Variants in DHRSX observed in about 807,000 individuals in gnomAD.
DHRSX encodes dehydrogenase/reductase X-linked, also known as polyprenol dehydrogenase.
Under a neutral mutation model 34.0 loss-of-function variants are expected in DHRSX, and 31 were observed. The observed-to-expected ratio is 0.91, with a 90% CI of 0.69 to 1.23. The LOEUF is 1.23. Among genes scored for constraint, DHRSX ranks in the 50% most tolerant of loss-of-function variants. DHRSX has a pLI of 0.00. For synonymous variants in DHRSX, 201 were observed against 183.8 expected, an observed-to-expected ratio of 1.09 and a Z score of -0.76; for missense variants, 414 against 428.1, an observed-to-expected ratio of 0.97 and a Z score of 0.29.
At chrX:2,435,231 A>C (rs1156967586) in intron 1 of DHRSX, among the ~76,000 whole-genome samples, 1 of 152,186 alleles carries the variant, frequency 6.6e-6, no homozygotes, top group Non-Finnish European at 1.5e-5. Context: ...TGGCTTCACA[A>C]ACCTGCACGC....
At chrX:2,389,560 T>C (rs1291415911) in intron 3 of DHRSX, among the ~76,000 whole-genome samples, 1 of 152,138 alleles carries the variant, frequency 6.6e-6, no homozygotes, top group East Asian at 1.9e-4. Context: ...TCACAGTCTT[T>C]CTTGACCTAA....
At chrX:2,484,726 G>A (rs1315571236) in intron 1 of DHRSX, among the ~76,000 whole-genome samples, 2 of 151,996 alleles carry the variant, frequency 1.3e-5, no homozygotes, top group Admixed American at 6.6e-5. Flanking sequence ...AGGACGGGGC[G>A]GCGGGCCTGA....
At chrX:2,356,549 C>G (rs1367533749) in intron 3 of DHRSX, among the ~76,000 whole-genome samples, 2 of 152,144 alleles carry the variant, frequency 1.3e-5, no homozygotes, top group African/African-American at 4.8e-5. Flanking sequence ...TCTCTGAAGA[C>G]AAGAACTGGG....
At chrX:2,355,248 G>A (rs767966040) in intron 3 of DHRSX, among the ~76,000 whole-genome samples, 3 of 152,156 alleles carry the variant, frequency 2.0e-5, no homozygotes, top group African/African-American at 7.2e-5. Context: ...ACAATGGCTC[G>A]CACCTGGAAT....
At chrX:2,254,577 C>G (rs986862881) in intron 5 of DHRSX, among the ~76,000 whole-genome samples, 1 of 152,158 alleles carries the variant, frequency 6.6e-6, no homozygotes, top group African/African-American at 2.4e-5. Flanking sequence ...CTATCATCTA[C>G]ATTTAATATT....
chrX:2,265,734 G>C (rs746938742), intron 5 of DHRSX, among the ~76,000 whole-genome samples: 1 of 143,640 alleles, frequency 7.0e-6, no homozygotes, highest in East Asian at 2.2e-4. Context: ...CAGATGCAGG[G>C]AGCATTGTCC....
chrX:2,491,362 G>A (rs1441941994), intron 1 of DHRSX, among the ~76,000 whole-genome samples: 3 of 152,292 alleles, frequency 2.0e-5, no homozygotes, highest in South Asian at 2.1e-4. Flanking sequence ...GAGTCACCGC[G>A]CCCAGCCTGA....
At chrX:2,370,049 C>T (rs1279064026) in intron 3 of DHRSX, among the ~76,000 whole-genome samples, 1 of 152,156 alleles carries the variant, frequency 6.6e-6, no homozygotes, top group Non-Finnish European at 1.5e-5. Flanking sequence ...CTGCTCCTCA[C>T]TCTCCAAAGA....
At chrX:2,260,522 C>T (rs1462002378) in intron 5 of DHRSX, among the ~76,000 whole-genome samples, 2 of 151,720 alleles carry the variant, frequency 1.3e-5, no homozygotes, top group East Asian at 1.9e-4. Context: ...TGCAATGGCA[C>T]GATCTCAGCT....
chrX:2,344,016 C>T (rs1362394693), intron 3 of DHRSX, among the ~76,000 whole-genome samples: 4 of 152,048 alleles, frequency 2.6e-5, no homozygotes, highest in Admixed American at 2.0e-4. Context: ...TTGAAAACTC[C>T]GTGCATCTTG....
chrX:2,330,571 A>AGGGGAG lies in DHRSX; in HGVS notation c.287-38974_287-38969dup, dbSNP rs2124547392. Among the ~76,000 whole-genome samples the AGGGGAG allele has an allele frequency of 3.9e-5, 4 of 103,692 alleles. No individual in the cohort carries two copies. The East Asian group carries it at 1.3e-3, about 33-fold the overall frequency. 68.0% of individuals were successfully genotyped at this position (103,692 alleles called of 152,430 possible). A position where few individuals can be genotyped will look rare whatever the true frequency, so the allele number is the denominator to read the frequency against. ...AAGGGAAGGGAGGGGAGGGGAGGGA[A>AGGGGAG]GGGGAGGGGAAGAGAGGGGAAGGGA... is the stretch of plus-strand genomic sequence containing the variant. On this transcript the variant is annotated intron_variant, in intron 3 of 6. Coordinates refer to ENST00000334651, the MANE Select transcript of DHRSX (RefSeq NM_145177.3).
intron 1 of DHRSX, among the ~76,000 whole-genome samples, chrX:2,448,372 C>G (rs28547512): frequency 0.63 from 95,380 of 151,700 alleles, 31,581 homozygotes; most frequent in African/African-American, 0.85. Flanking sequence ...TTTTCAGTTA[C>G]ATAAAAGAAA....
chrX:2,238,730 C>T (rs1385728799), intron 6 of DHRSX, among the ~76,000 whole-genome samples: 2 of 151,300 alleles, frequency 1.3e-5, no homozygotes, highest in Admixed American at 6.6e-5. Flanking sequence ...ATGACACACA[C>T]GCGCCACCAC....
At chrX:2,345,746 A>G (rs751472981) in intron 3 of DHRSX, among the ~76,000 whole-genome samples, 46 of 152,060 alleles carry the variant, frequency 3.0e-4, no homozygotes, top group African/African-American at 1.1e-3. Context: ...AATCAGTTGA[A>G]GGTCTGACTA....
At chrX:2,406,099 C>G (rs887219980) in intron 3 of DHRSX, among the ~76,000 whole-genome samples, 9 of 152,114 alleles carry the variant, frequency 5.9e-5, no homozygotes, top group Non-Finnish European at 1.3e-4. Flanking sequence ...CGAGACCAGC[C>G]TGGCCAACAT....
At chrX:2,325,636 C>T (rs1331590284) in intron 3 of DHRSX, among the ~76,000 whole-genome samples, 1 of 149,920 alleles carries the variant, frequency 6.7e-6, no homozygotes, top group South Asian at 2.1e-4. Context: ...CGGAGAGCCC[C>T]GACCAACTAC....
chrX:2,219,731 T>C lies in DHRSX; in HGVS notation c.*1310A>G, dbSNP rs1351086247. On this transcript the variant is annotated 3_prime_UTR_variant, in exon 7 of 7. Transcript: ENST00000334651. The stretch of plus-strand genomic sequence containing the variant: ...AGTGGGATTTTGTCACTTAGTGGAA[T>C]GGATAATAAGCCAACCAATGGTCAT... The C allele has an allele frequency of 1.3e-5, 2 of 152,156 alleles. No homozygotes were observed. The highest frequency in any genetic ancestry group is 2.1e-4 in the South Asian group (1 of 4,832). 9.4% of individuals were successfully genotyped at this position (152,156 alleles called of 1,614,324 possible).
At chrX:2,441,649 T>C (rs191291271) in intron 1 of DHRSX, among the ~76,000 whole-genome samples, 69 of 152,292 alleles carry the variant, frequency 4.5e-4, no homozygotes, top group Non-Finnish European at 6.3e-4. Context: ...GGACTCTTTT[T>C]ACCTCTTAAG....
At chrX:2,335,185 A>AC (rs1301243746) in intron 3 of DHRSX, among the ~76,000 whole-genome samples, 1 of 60,492 alleles carries the variant, frequency 1.7e-5, no homozygotes, top group South Asian at 5.8e-4. Context: ...ACTCCATCTC[A>AC]AAAAAAAAAA....
Sources: gnomAD v4.1 joint callset for allele counts (sites outside exome capture counted in the v4.1 genomes callset) on GRCh38, gnomAD v4.1.1 for gene constraint, MANE v1.5 for transcripts, NCBI Gene and HGNC (gene_info 2026-07-23, HGNC 2026-07-21) for gene names.